PCDHGC5: variants seen among roughly 807,000 people sequenced by gnomAD.
PCDHGC5 encodes the protein protocadherin gamma subfamily C, 5.
A neutral mutation model predicts 59.0 loss-of-function variants in PCDHGC5; 25 were observed. The observed-to-expected ratio is 0.42, with a 90% CI of 0.31 to 0.59. The LOEUF (loss-of-function observed/expected upper bound fraction) is 0.59, where lower values mean the gene tolerates loss of function less well. Ranked by LOEUF, PCDHGC5 falls within the 20% of genes least tolerant of loss-of-function variation. The probability of loss-of-function intolerance (pLI) is 0.13; values close to 1 mark genes in which losing one functional copy is unlikely to be tolerated. For missense variants in PCDHGC5, 1,067 were observed against 1,206.4 expected (o/e 0.88, Z 1.71); for synonymous variants, 434 against 505.5 (o/e 0.86, Z 1.90).
In PCDHGC5 at chr5:141,509,418, A is replaced by G. The variant is rs767758113; in HGVS notation, c.2609-1529A>G. Among the ~76,000 whole-genome samples the G allele has an allele frequency of 2.6e-5, 4 of 152,188 alleles. No individual in the cohort carries two copies. The South Asian group carries it at 6.2e-4, about 24-fold the overall frequency. ...TCAGGGCCTCCAGCAGCGAGCCCCA[A>G]TGAGTCAAACTCTTGTTTCCTCCTC... On this transcript the variant is annotated intron_variant, in intron 3 of 3. Transcript: ENST00000252087.
intron 3 of PCDHGC5, among the ~76,000 whole-genome samples, chr5:141,509,335 G>C (rs113423267): frequency 6.6e-6 from 1 of 152,144 alleles, no homozygotes; most frequent in African/African-American, 2.4e-5. Context: ...CTGCCAGCTG[G>C]GCCTGGGCTG....
chr5:141,495,726 C>T (rs2099763293), intron 2 of PCDHGC5, among the ~76,000 whole-genome samples: 1 of 152,070 alleles, frequency 6.6e-6, no homozygotes, highest in Non-Finnish European at 1.5e-5. Flanking sequence ...ACACGGGACC[C>T]TTAGTCTCTT....
At chr5:141,492,974 C>G (rs1479838959) in intron 1 of PCDHGC5, among the ~76,000 whole-genome samples, 1 of 152,244 alleles carries the variant, frequency 6.6e-6, no homozygotes, top group Non-Finnish European at 1.5e-5. Flanking sequence ...CTAACAAGTC[C>G]TGTCTCCTCT....
At chr5:141,507,842 C>CT (rs2099864170) in intron 3 of PCDHGC5, among the ~76,000 whole-genome samples, 1 of 152,230 alleles carries the variant, frequency 6.6e-6, no homozygotes, top group Admixed American at 6.5e-5. Flanking sequence ...GGGTCAGGCC[C>CT]TGCTCTCACT....
chr5:141,500,484 C>T (rs2099800696), intron 2 of PCDHGC5, among the ~76,000 whole-genome samples: 1 of 152,304 alleles, frequency 6.6e-6, no homozygotes, highest in Non-Finnish European at 1.5e-5. Context: ...GCTGGGATTA[C>T]AGGCGTGAGC....
In PCDHGC5 at chr5:141,489,928, G is replaced by A. The variant is rs752861962; in HGVS notation, c.688G>A (p.Val230Ile). ...CCGCTCAGGGACCACCCTTATCTCT[G>A]TCATCGTGCTGGACATCAATGATAA... The part of the protein sequence containing the change: ...PARSGTTLIS[V>I]IVLDINDNAP... The change falls in exon 1 of 4, where the codon GTC becomes ATC. Residue 230 changes from valine (V) to isoleucine (I), a missense_variant. By Grantham distance (29) the Val-to-Ile change is conservative (BLOSUM62 3). Transcript: ENST00000252087. The surrounding 1 kb of genome is among the most constrained non-coding windows in gnomAD (Gnocchi z 4.5). 2 of 1,614,206 alleles carry A rather than the reference G, an allele frequency of 1.2e-6. No homozygotes were observed. Among genetic ancestry groups the A allele is most frequent in the Non-Finnish European group, 1.7e-6 (2 of 1,180,038 alleles).
rs9324852 is a variant in PCDHGC5, at chr5:141,510,333, C to T, written c.2609-614C>T. On this transcript the variant is annotated intron_variant, in intron 3 of 3. Coordinates refer to ENST00000252087, the MANE Select transcript of PCDHGC5 (RefSeq NM_018929.3). ...AGGCTTGGAAGAGCACTCTTCACCC[C>T]CACCCCACACACTTACTAACGGAAC... Among the ~76,000 whole-genome samples the T allele has an allele frequency of 2.4e-3, 367 of 151,698 alleles. 1 individual carries two copies. Among genetic ancestry groups the T allele is most frequent in the African/African-American group, 8.4e-3 (348 of 41,384 alleles).
chr5:141,489,625 A>G lies in PCDHGC5; in HGVS notation c.385A>G (p.Asn129Asp). ...VEVEILDLNDNSPSFATPERE... is the reference protein window; with the variant it reads ...VEVEILDLNDDSPSFATPERE... ...GGTAGAGATCCTGGATCTCAATGAC[A>G]ACTCTCCTAGCTTTGCCACCCCTGA... Residue 129 changes from asparagine (N) to aspartate (D), a missense_variant, in exon 1 of 4, where the codon AAC becomes GAC. Transcript: ENST00000252087. The surrounding 1 kb of genome is among the most constrained non-coding windows in gnomAD (Gnocchi z 4.5). 6.2e-7 allele frequency: 1 copy of G among 1,614,076 alleles called. No homozygotes were observed. The highest frequency in any genetic ancestry group is 8.5e-7 in the Non-Finnish European group (1 of 1,180,006).
rs759809591 is a variant in PCDHGC5 at position 141,511,048 on chromosome 5, C to T, written c.2710C>T (p.Arg904Cys). The change falls in exon 4 of 4, where the codon CGC becomes TGC. Residue 904 changes from arginine (R) to cysteine (C), a missense_variant. Coordinates refer to ENST00000252087, the MANE Select transcript of PCDHGC5 (RefSeq NM_018929.3). ...QFTLQHVPDY[R>C]QNVYIPGSNA... ...CACCCTGCAGCACGTGCCCGACTAC[C>T]GCCAGAATGTCTACATCCCAGGCAG... 9 of 1,614,224 alleles carry T rather than the reference C, an allele frequency of 5.6e-6. No individual in the cohort carries two copies. The highest frequency in any genetic ancestry group is 1.7e-5 in the Admixed American group (1 of 60,034).
At chr5:141,506,084 C>T (rs1426222889) in intron 3 of PCDHGC5, among the ~76,000 whole-genome samples, 8 of 152,068 alleles carry the variant, frequency 5.3e-5, no homozygotes, top group African/African-American at 1.9e-4. Flanking sequence ...AATAGAGATT[C>T]GGCTAGTGGT....
intron 2 of PCDHGC5, among the ~76,000 whole-genome samples, chr5:141,503,595 G>A (rs6892628): frequency 7.1e-6 from 1 of 140,086 alleles, no homozygotes. Context: ...CGAGACTCCA[G>A]CTCAAAAAAA....
Position 141,491,205 on chromosome 5 carries a change from A to G in PCDHGC5, c.1965A>G (p.Ser655=), listed in dbSNP as rs2233609. 2,395 of 1,613,578 alleles carry G rather than the reference A, an allele frequency of 1.5e-3. 36 individuals are homozygous for G. The African/African-American group carries it at 0.028, about 19-fold the overall frequency. The change falls in exon 1 of 4, where the codon TCA becomes TCG. Residue 655 remains serine, a synonymous_variant. Coordinates refer to ENST00000252087, the MANE Select transcript of PCDHGC5 (RefSeq NM_018929.3). This position sits in a 1 kb window ranked among gnomAD's most constrained non-coding sequence, Gnocchi z 6.9. The part of the protein sequence containing the change: ...VVLVRDNGDP[S]LSSTATVLLV... The stretch of plus-strand genomic sequence containing the variant: ...TGGTGAGGGACAATGGTGACCCTTC[A>G]CTCTCCTCCACAGCCACAGTGCTGC...
rs1009141449 is a variant in PCDHGC5, at chr5:141,491,922, G to A, written c.2460+222G>A. 2 of 1,349,026 alleles carry A rather than the reference G, an allele frequency of 1.5e-6. No individual in the cohort carries two copies. Among genetic ancestry groups the A allele is most frequent in the African/African-American group, 1.5e-5 (1 of 67,598 alleles). The allele number at this position is 1,349,026 out of a possible 1,614,324, so 83.6% of individuals were successfully genotyped here. On this transcript the variant is annotated intron_variant, in intron 1 of 3. Coordinates refer to ENST00000252087, the MANE Select transcript of PCDHGC5 (RefSeq NM_018929.3). The surrounding 1 kb of genome is among the most constrained non-coding windows in gnomAD (Gnocchi z 6.9). ...CGGGGGTGGTGGCGACTGTGGGCGAGGGGAGGTGGGACCGACCCCCACCCC... is the reference window on the plus strand; with the variant it reads ...CGGGGGTGGTGGCGACTGTGGGCGAAGGGAGGTGGGACCGACCCCCACCCC...
rs1594951324 is a variant in PCDHGC5, at chr5:141,490,871, T to G, written c.1631T>G (p.Leu544Trp). 6.2e-7 allele frequency: 1 copy of G among 1,613,918 alleles called. No individual in the cohort carries two copies. The highest frequency in any genetic ancestry group is 8.5e-7 in the Non-Finnish European group (1 of 1,179,944). Residue 544 changes from leucine (L) to tryptophan (W), a missense_variant, in exon 1 of 4, where the codon TTG becomes TGG. Coordinates refer to ENST00000252087, the MANE Select transcript of PCDHGC5 (RefSeq NM_018929.3). This position sits in a 1 kb window ranked among gnomAD's most constrained non-coding sequence, Gnocchi z 5.4. ...GTTCGAGACTCCGGCTCTCCCCCAT[T>G]GCATGCCAACACATCTCTGCATGTG... ...VGVRDSGSPP[L>W]HANTSLHVFV...
At chr5:141,505,259 C>T in intron 2 of PCDHGC5, 134 bp from the exon 3 acceptor site, 2 of 1,500,262 alleles carry the variant, frequency 1.3e-6, no homozygotes, top group Admixed American at 2.0e-5. Flanking sequence ...GTGCCTCCTA[C>T]CTTGCTGAGA....
rs186638311 is a variant in PCDHGC5, at chr5:141,492,901, T to C, written c.2460+1201T>C. 3.7e-3 allele frequency among the ~76,000 whole-genome samples: 568 copies of C among 152,326 alleles called. 5 individuals carry two copies. The highest frequency in any genetic ancestry group is 0.011 in the Admixed American group (163 of 15,308). On this transcript the variant is annotated intron_variant, in intron 1 of 3. Coordinates refer to ENST00000252087, the MANE Select transcript of PCDHGC5 (RefSeq NM_018929.3). ...GAGATACAGGCTTTTGGCGCCGTCG[T>C]GATCACAATGTGCCCAGCGATCTAG...
rs1410729947 is a variant in PCDHGC5 at position 141,493,256 on chromosome 5, T to TA, written c.2461-1550dup. 3.3e-5 allele frequency among the ~76,000 whole-genome samples: 5 copies of TA among 152,306 alleles called. No homozygotes were observed. The highest frequency in any genetic ancestry group is 1.2e-4 in the African/African-American group (5 of 41,570). ...TGGCTAGGTACTAACATGCCTCTCT[T>TA]ATAACAGCTTCACAGAGGTCAAGTG... On this transcript the variant is annotated intron_variant, in intron 1 of 3. Transcript: ENST00000252087. This position sits in a 1 kb window ranked among gnomAD's most constrained non-coding sequence, Gnocchi z 4.3.
In PCDHGC5 at chr5:141,489,720, G is replaced by A. The variant is rs560729125; in HGVS notation, c.480G>A (p.Pro160=). ...ARFPLDSAQD[P]DVGTNTVSFY... is the part of the protein sequence containing the mutation. ...TCCCACTGGACAGTGCCCAGGATCC[G>A]GATGTGGGCACCAATACTGTGAGCT... The change falls in exon 1 of 4, where the codon CCG becomes CCA. Residue 160 remains proline (P), a synonymous_variant. Transcript: ENST00000252087. The surrounding 1 kb of genome is among the most constrained non-coding windows in gnomAD (Gnocchi z 4.5). The A allele has an allele frequency of 3.2e-5, 51 of 1,614,200 alleles. No individual in the cohort carries two copies. The highest frequency in any genetic ancestry group is 9.3e-5 in the African/African-American group (7 of 75,048).
chr5:141,502,173 T>C (rs1377892969), intron 2 of PCDHGC5, among the ~76,000 whole-genome samples: 2 of 152,178 alleles, frequency 1.3e-5, no homozygotes, highest in African/African-American at 4.8e-5. Flanking sequence ...AGTTGAGGAA[T>C]TTAACATTAA....
Sources: allele counts gnomAD v4.1 joint callset (sites outside exome capture counted in the v4.1 genomes callset), GRCh38; gene constraint gnomAD v4.1.1; non-coding constraint Gnocchi (gnomAD v3.1); transcripts MANE v1.5; gene names NCBI Gene and HGNC (gene_info 2026-07-23, HGNC 2026-07-21).